LMNTD1: variants seen among roughly 807,000 people sequenced by gnomAD.
LMNTD1 encodes lamin tail domain containing 1.
A neutral mutation model predicts 50.9 loss-of-function variants in LMNTD1; 35 were observed. The ratio of observed to expected loss-of-function variants is 0.69; its 90% CI spans 0.53 to 0.91. The LOEUF (loss-of-function observed/expected upper bound fraction) is 0.91. LMNTD1 is among the 40% of genes least tolerant of loss of function. The pLI, the probability that LMNTD1 is intolerant of heterozygous loss-of-function variation, is 0.00. For synonymous variants in LMNTD1, 153 were observed against 161.9 expected (o/e 0.94, Z 0.42); for missense variants, 470 against 475.5 (o/e 0.99, Z 0.11).
At chr12:25,549,006 A>G (rs965220617) in intron 3 of LMNTD1, among the ~76,000 whole-genome samples, 10 of 152,014 alleles carry the variant, frequency 6.6e-5, no homozygotes, top group Non-Finnish European at 1.5e-4. Flanking sequence ...AGGGCAGTTA[A>G]TGCTATACAT....
At chr12:25,622,940 T>C (rs1267149329) in intron 1 of LMNTD1, among the ~76,000 whole-genome samples, 1 of 152,050 alleles carries the variant, frequency 6.6e-6, no homozygotes, top group Non-Finnish European at 1.5e-5. Context: ...AACATCTGTT[T>C]TTCTAGCCCC....
At chr12:25,525,132 A>G (rs1941613821) in intron 6 of LMNTD1, among the ~76,000 whole-genome samples, 1 of 152,220 alleles carries the variant, frequency 6.6e-6, no homozygotes, top group African/African-American at 2.4e-5. Flanking sequence ...TTGAAAAAGG[A>G]TTCACTTTTT....
At chr12:25,505,321 T>G (rs75327333) in intron 8 of LMNTD1, among the ~76,000 whole-genome samples, 1,910 of 152,282 alleles carry the variant, frequency 0.013, 45 homozygotes, top group African/African-American at 0.043. Context: ...TTACAATCTT[T>G]CATAACTAAA....
chr12:25,584,297 G>A (rs985813399), intron 1 of LMNTD1, among the ~76,000 whole-genome samples: 4 of 152,120 alleles, frequency 2.6e-5, no homozygotes, highest in African/African-American at 4.8e-5. Flanking sequence ...TAACTTTGAG[G>A]TAGGCTAAGT....
At chr12:25,510,773 C>T (rs904829238) in intron 8 of LMNTD1, among the ~76,000 whole-genome samples, 4 of 152,034 alleles carry the variant, frequency 2.6e-5, no homozygotes, top group South Asian at 2.1e-4. Context: ...TAAAAATCTT[C>T]GGTGTCTCTT....
Position 25,520,087 on chromosome 12 carries a change from GATTT to G in LMNTD1, c.799-16_799-13del, listed in dbSNP as rs772371557. On this transcript the variant is annotated splice_polypyrimidine_tract_variant and intron_variant, in intron 6 of 9. Transcript: ENST00000458174. ...TACCACGCAATGGCCTAATGAAAAT[GATTT>G]ATTAATGTTGGCTATGTATATTTGA... 2.6e-6 allele frequency: 4 copies of G among 1,555,986 alleles called. No individual in the cohort carries two copies. Among genetic ancestry groups the G allele is most frequent in the Non-Finnish European group, 3.5e-6 (4 of 1,141,018 alleles).
At chr12:25,489,494 G>T (rs927795042) in intron 9 of LMNTD1, among the ~76,000 whole-genome samples, 4 of 141,492 alleles carry the variant, frequency 2.8e-5, no homozygotes, top group Non-Finnish European at 6.2e-5. Context: ...GCTCGCGCAC[G>T]GTGCGCGCAC....
Position 25,593,780 on chromosome 12 carries a change from AAAGCCCAATCT to A in LMNTD1, c.59-47237_59-47227del, listed in dbSNP as rs563268968. 5.9e-4 allele frequency among the ~76,000 whole-genome samples: 90 copies of A among 151,772 alleles called. 3 individuals are homozygous for A. In the South Asian group the frequency reaches 0.019, roughly 32 times the overall value. Reference sequence around the variant, plus strand: ...AATCAGGGAGGCACCAGAGAAAGTCAAAGCCCAATCTAAGGAAATTAAAAAAAAAAAAAAGA... The same window carrying A: ...AATCAGGGAGGCACCAGAGAAAGTCAAAGGAAATTAAAAAAAAAAAAAAGA... On this transcript the variant is annotated intron_variant, in intron 1 of 7. Coordinates refer to the LMNTD1 transcript ENST00000445693.
intron 9 of LMNTD1, among the ~76,000 whole-genome samples, chr12:25,486,078 T>C (rs1470792872): frequency 1.0e-5 from 1 of 96,536 alleles, no homozygotes; most frequent in Non-Finnish European, 2.1e-5. Flanking sequence ...TGGCATTGAA[T>C]CTGTAAATTA....
At chr12:25,563,078 C>T (rs899868999) in intron 1 of LMNTD1, among the ~76,000 whole-genome samples, 4 of 152,136 alleles carry the variant, frequency 2.6e-5, no homozygotes, top group African/African-American at 4.8e-5. Context: ...GTGATGGGTT[C>T]GAACATCCTC....
chr12:25,480,006 G>C (rs1473399890), intron 9 of LMNTD1, among the ~76,000 whole-genome samples: 1 of 152,188 alleles, frequency 6.6e-6, no homozygotes, highest in African/African-American at 2.4e-5. Flanking sequence ...GGACCATTGG[G>C]CAATGACAGG....
intron 1 of LMNTD1, among the ~76,000 whole-genome samples, chr12:25,599,040 T>A (rs1004638593): frequency 6.6e-6 from 1 of 151,956 alleles, no homozygotes; most frequent in Non-Finnish European, 1.5e-5. Context: ...ATATCTCTGA[T>A]GAATATTTAT....
Position 25,483,959 on chromosome 12 carries a change from T to G in LMNTD1, c.*23-7499A>C, listed in dbSNP as rs191490170. 6.0e-4 allele frequency among the ~76,000 whole-genome samples: 91 copies of G among 152,040 alleles called. 1 individual carries two copies. The highest frequency in any genetic ancestry group is 6.0e-3 in the Admixed American group (91 of 15,290). ...CTTTAACTTGCTGACTAACCTTTCT[T>G]GGTTATGTCTATTTCTACAAAGTTC... On this transcript the variant is annotated intron_variant, in intron 9 of 9. Coordinates refer to ENST00000458174, the MANE Select transcript of LMNTD1 (RefSeq NM_001145728.2).
intron 2 of LMNTD1, among the ~76,000 whole-genome samples, chr12:25,551,952 C>A (rs879445851): frequency 3.3e-5 from 5 of 152,288 alleles, no homozygotes; most frequent in Admixed American, 2.6e-4. Flanking sequence ...TCAAGTCTAG[C>A]ATTTCAATGT....
intron 1 of LMNTD1, among the ~76,000 whole-genome samples, chr12:25,629,260 A>C (rs1946662480): frequency 6.6e-6 from 1 of 152,172 alleles, no homozygotes; most frequent in Admixed American, 6.5e-5. Context: ...GGTTTCTCAC[A>C]GAGTGGCCCA....
At position 25,526,863 on chromosome 12, in the gene LMNTD1, C is replaced by G. The variant is rs898773549; in HGVS notation, c.584G>C (p.Gly195Ala). The G allele has an allele frequency of 6.2e-7, 1 of 1,613,008 alleles. No individual in the cohort carries two copies. The highest frequency in any genetic ancestry group is 1.7e-5 in the Admixed American group (1 of 59,946). Residue 195 changes from glycine (G) to alanine (A), a missense_variant, in exon 5 of 10, where the codon GGA becomes GCA. Gly to Ala is a moderately conservative substitution (Grantham distance 60). Coordinates refer to ENST00000458174, the MANE Select transcript of LMNTD1 (RefSeq NM_001145728.2). ...CACATTTTGCTGGAGAATATGATCT[C>G]CAATTGCCATTTCTTTGTCAAGGGA... is the stretch of plus-strand genomic sequence containing the variant. The part of the protein sequence containing the change: ...NSSLDKEMAI[G>A]DHILQQNVNG...
chr12:25,555,454 T>G (rs1944002207), upstream of LMNTD1, among the ~76,000 whole-genome samples: 1 of 152,194 alleles, frequency 6.6e-6, no homozygotes, highest in Non-Finnish European at 1.5e-5. Flanking sequence ...AGACACTTTT[T>G]GTAATTTGTG....
rs148928984 is a variant in LMNTD1 at position 25,602,707 on chromosome 12, G to A, written c.58+45787C>T. 1.2e-4 allele frequency among the ~76,000 whole-genome samples: 19 copies of A among 152,066 alleles called. No individual in the cohort carries two copies. The East Asian group carries it at 3.7e-3, about 29-fold the overall frequency. On this transcript the variant is annotated intron_variant, in intron 1 of 7. Transcript: ENST00000445693. ...CCAATACATTTGGATTTTTCTGGAG[G>A]CTACAGTTAAGCATGTCAACTTGTG...
intron 1 of LMNTD1, among the ~76,000 whole-genome samples, chr12:25,596,037 C>T (rs1381902711): frequency 6.6e-6 from 1 of 151,984 alleles, no homozygotes; most frequent in African/African-American, 2.4e-5. Flanking sequence ...TAGCTTCAAT[C>T]TGGAAGAATT....
Sources: gnomAD v4.1 joint callset for allele counts (sites outside exome capture counted in the v4.1 genomes callset) on GRCh38, gnomAD v4.1.1 for gene constraint, MANE v1.5 for transcripts, NCBI Gene and HGNC (gene_info 2026-07-23, HGNC 2026-07-21) for gene names.